Variants in PARD6B observed in about 807,000 individuals in gnomAD.
PARD6B encodes par-6 family cell polarity regulator beta.
In PARD6B, 4 loss-of-function variants were observed where a neutral mutation model predicts 10.5. The observed-to-expected ratio is 0.38, with a 90% CI of 0.19 to 0.87. The LOEUF (loss-of-function observed/expected upper bound fraction) is 0.87. PARD6B is among the 40% of genes least tolerant of loss of function. The probability of loss-of-function intolerance (pLI) is 0.41; values close to 1 mark genes in which losing one functional copy is unlikely to be tolerated. For missense variants in PARD6B, 396 were observed against 470.6 expected (o/e 0.84, Z 1.47); for synonymous variants, 169 against 170.4 (o/e 0.99, Z 0.07).
intron 2 of PARD6B, among the ~76,000 whole-genome samples, chr20:50,749,015 G>C (rs2087584383): frequency 6.6e-6 from 1 of 152,098 alleles, no homozygotes; most frequent in African/African-American, 2.4e-5. Context: ...TCAAAAAAAA[G>C]TAAAAATACA....
chr20:50,751,811 C>G lies in PARD6B; in HGVS notation c.*1323C>G. ...TCAGCTCCCGGGTTCAAGCAATTCT[C>G]CTGCCTCAGCCTTCTGAGTAGCTAA... On this transcript the variant is annotated 3_prime_UTR_variant, in exon 3 of 3. Transcript: ENST00000371610. 1.1e-6 allele frequency: 1 copy of G among 926,260 alleles called. No individual in the cohort carries two copies. Among genetic ancestry groups the G allele is most frequent in the Non-Finnish European group, 1.3e-6 (1 of 779,678 alleles). The allele number at this position is 926,260 out of a possible 1,614,324, so 57.4% of individuals were successfully genotyped here. A position where few individuals can be genotyped will look rare whatever the true frequency, so the allele number is the denominator to read the frequency against.
At chr20:50,738,429 G>T (rs1362879077) in intron 2 of PARD6B, among the ~76,000 whole-genome samples, 1 of 152,230 alleles carries the variant, frequency 6.6e-6, no homozygotes, top group Non-Finnish European at 1.5e-5. Flanking sequence ...TGTGAAAAGA[G>T]TGTGACTTTG....
chr20:50,731,876 G>C (rs1276700740), intron 1 of PARD6B, 24 bp downstream of exon 1: 12 of 1,416,614 alleles, frequency 8.5e-6, no homozygotes, highest in African/African-American at 1.5e-5. Flanking sequence ...GGGCTGGGCG[G>C]AGCGGCGGGC....
At chr20:50,735,098 C>T (rs570435108) in intron 1 of PARD6B, among the ~76,000 whole-genome samples, 2 of 151,924 alleles carry the variant, frequency 1.3e-5, no homozygotes, top group South Asian at 2.1e-4. Flanking sequence ...TGCAGTGAGC[C>T]GAGATTGCGC....
Position 50,750,635 on chromosome 20 carries a change from G to A in PARD6B, c.*147G>A. 1 of 1,412,566 alleles carries A rather than the reference G, an allele frequency of 7.1e-7. No individual in the cohort carries two copies. Among genetic ancestry groups the A allele is most frequent in the Non-Finnish European group, 9.2e-7 (1 of 1,087,464 alleles). 87.5% of individuals were successfully genotyped at this position (1,412,566 alleles called of 1,614,324 possible). A position where few individuals can be genotyped will look rare whatever the true frequency, so the allele number is the denominator to read the frequency against. On this transcript the variant is annotated 3_prime_UTR_variant, in exon 3 of 3. Transcript: ENST00000371610. Reference sequence around the variant, plus strand: ...AGCTTACAATATTATTAAAGTAGTAGTTTGATAATTGTTAATATAAACTTT... The same window carrying A: ...AGCTTACAATATTATTAAAGTAGTAATTTGATAATTGTTAATATAAACTTT...
rs1206857436 is a variant in PARD6B, at chr20:50,737,882, C to T, written c.92C>T (p.Ser31Leu). 3.2e-6 allele frequency: 5 copies of T among 1,580,306 alleles called. No individual in the cohort carries two copies. In the South Asian group the frequency reaches 3.5e-5, roughly 11 times the overall value. ...SKFGAEFRRF[S>L]LERSKPGKFE... is the part of the protein sequence containing the mutation. ...TTTGGAGCTGAATTTCGTCGGTTTT[C>T]GCTGGAAAGATCAAAACCTGGAAAA... Residue 31 changes from serine to leucine, a missense_variant, in exon 2 of 3, where the codon TCG (serine) becomes TTG (leucine). By Grantham distance (145) the Ser-to-Leu change is moderately radical. Transcript: ENST00000371610.
intron 2 of PARD6B, among the ~76,000 whole-genome samples, chr20:50,739,953 A>C (rs1253117342): frequency 2.0e-5 from 3 of 152,312 alleles, no homozygotes; most frequent in African/African-American, 7.2e-5. Flanking sequence ...GCTGCTTTGC[A>C]GTGAAGGAGA....
At chr20:50,747,346 G>T (rs953500297) in intron 2 of PARD6B, among the ~76,000 whole-genome samples, 1 of 152,106 alleles carries the variant, frequency 6.6e-6, no homozygotes, top group Non-Finnish European at 1.5e-5. Flanking sequence ...GAGTTGAAGC[G>T]CTATACAAAC....
At chr20:50,731,913 C>T in intron 1 of PARD6B, 61 bp downstream of exon 1, 1 of 1,310,724 alleles carries the variant, frequency 7.6e-7, no homozygotes, top group Non-Finnish European at 9.7e-7. Context: ...TGGGAGAGGC[C>T]GGGCCAGGCT....
Position 50,731,724 on chromosome 20 carries a change from G to C in PARD6B, c.-63G>C. The C allele has an allele frequency of 7.3e-7, 1 of 1,361,110 alleles. No individual in the cohort carries two copies. Among genetic ancestry groups the C allele is most frequent in the Non-Finnish European group, 9.5e-7 (1 of 1,053,514 alleles). 84.3% of individuals were successfully genotyped at this position (1,361,110 alleles called of 1,614,324 possible). On this transcript the variant is annotated 5_prime_UTR_variant, in exon 1 of 3. Transcript: ENST00000371610. ...TTCCGAGATCCCCAGTCGCGCACTC[G>C]CTCCCCGCGCTCCTGAGGGGCCGCC...
chr20:50,751,410 C>T lies in PARD6B; in HGVS notation c.*922C>T. On this transcript the variant is annotated 3_prime_UTR_variant, in exon 3 of 3. Transcript: ENST00000371610. ...TCGCTCTATCGCCCAGGCTGGAGTG[C>T]AGTGGCGCGATCTTGGCTCACTGCA... 1.2e-6 allele frequency: 1 copy of T among 803,098 alleles called. No homozygotes were observed. Among genetic ancestry groups the T allele is most frequent in the Non-Finnish European group, 1.5e-6 (1 of 688,012 alleles). 49.7% of individuals were successfully genotyped at this position (803,098 alleles called of 1,614,324 possible). A position where few individuals can be genotyped will look rare whatever the true frequency, so the allele number is the denominator to read the frequency against.
At position 50,750,744 on chromosome 20, in the gene PARD6B, A is replaced by G; in HGVS notation, c.*256A>G. The G allele has an allele frequency of 1.6e-6, 2 of 1,243,566 alleles. No homozygotes were observed. The highest frequency in any genetic ancestry group is 2.0e-6 in the Non-Finnish European group (2 of 988,918). 77.0% of individuals were successfully genotyped at this position (1,243,566 alleles called of 1,614,324 possible). A position where few individuals can be genotyped will look rare whatever the true frequency, so the allele number is the denominator to read the frequency against. ...TGCTTTTGCTGTTTTGTCTGTGGAG[A>G]ATCAGATGTTAAAGCACATTCTTGG... On this transcript the variant is annotated 3_prime_UTR_variant, in exon 3 of 3. Coordinates refer to ENST00000371610, the MANE Select transcript of PARD6B (RefSeq NM_032521.3).
intron 2 of PARD6B, among the ~76,000 whole-genome samples, chr20:50,744,082 A>G (rs2087547599): frequency 6.9e-6 from 1 of 144,142 alleles, no homozygotes; most frequent in South Asian, 2.2e-4. Context: ...GCCAGGTGCC[A>G]TCCAAATTTA....
In PARD6B at chr20:50,751,495, A is replaced by G. The variant is rs1412554191; in HGVS notation, c.*1007A>G. ...CTCAGCCTCCCAAGTAGCTGGGACTACAGGCGCCTGCCACCATGCCTGGCT... is the reference window on the plus strand; with the variant it reads ...CTCAGCCTCCCAAGTAGCTGGGACTGCAGGCGCCTGCCACCATGCCTGGCT... On this transcript the variant is annotated 3_prime_UTR_variant, in exon 3 of 3. Coordinates refer to ENST00000371610, the MANE Select transcript of PARD6B (RefSeq NM_032521.3). The G allele has an allele frequency of 6.9e-6, 5 of 729,488 alleles. No homozygotes were observed. The highest frequency in any genetic ancestry group is 8.4e-6 in the Non-Finnish European group (5 of 598,490). The allele number at this position is 729,488 out of a possible 1,614,324, so 45.2% of individuals were successfully genotyped here. A position where few individuals can be genotyped will look rare whatever the true frequency, so the allele number is the denominator to read the frequency against.
Position 50,751,322 on chromosome 20 carries a change from T to C in PARD6B, c.*834T>C, listed in dbSNP as rs150428245. On this transcript the variant is annotated 3_prime_UTR_variant, in exon 3 of 3. Coordinates refer to ENST00000371610, the MANE Select transcript of PARD6B (RefSeq NM_032521.3). ...AATTGTAACAAATGATGTTCTCAAGTACATTTCCAGTTTCTTTTCTTTTCT... is the reference window on the plus strand; with the variant it reads ...AATTGTAACAAATGATGTTCTCAAGCACATTTCCAGTTTCTTTTCTTTTCT... The C allele has an allele frequency of 1.1e-6, 1 of 933,918 alleles. No homozygotes were observed. The highest frequency in any genetic ancestry group is 1.3e-6 in the Non-Finnish European group (1 of 784,276). 57.9% of individuals were successfully genotyped at this position (933,918 alleles called of 1,614,324 possible). A position where few individuals can be genotyped will look rare whatever the true frequency, so the allele number is the denominator to read the frequency against.
At position 50,738,011 on chromosome 20, in the gene PARD6B, A is replaced by T; in HGVS notation, c.221A>T (p.Asn74Ile). The change falls in exon 2 of 3, where the codon AAT (asparagine) becomes ATT (isoleucine). Residue 74 changes from asparagine (N) to isoleucine (I), a missense_variant. Physicochemically the swap from Asn to Ile is moderately radical, Grantham distance 149. This residue lies in a region of PARD6B where 208 missense variants were observed against 300.9 expected (regional missense o/e 0.69). Transcript: ENST00000371610. ...CATGGAGACTTACTACCTATAAATA[A>T]TGATGATAATTATCACAAAGCTGTT... ...DIHGDLLPIN[N>I]DDNYHKAVST... is the part of the protein sequence containing the mutation. 6.2e-7 allele frequency: 1 copy of T among 1,613,162 alleles called. No individual in the cohort carries two copies. The highest frequency in any genetic ancestry group is 8.5e-7 in the Non-Finnish European group (1 of 1,179,736).
At chr20:50,740,809 C>T (rs2123702405) in intron 2 of PARD6B, among the ~76,000 whole-genome samples, 1 of 152,244 alleles carries the variant, frequency 6.6e-6, no homozygotes, top group African/African-American at 2.4e-5. Flanking sequence ...TTCATTCCTG[C>T]TTAAAACCCT....
At chr20:50,744,773 G>A (rs2123705306) in intron 2 of PARD6B, among the ~76,000 whole-genome samples, 1 of 152,160 alleles carries the variant, frequency 6.6e-6, no homozygotes, top group African/African-American at 2.4e-5. Context: ...TTAGCCCCTG[G>A]CTGGTTTTCC....
In PARD6B at chr20:50,753,566, TATAAC is replaced by T; in HGVS notation, c.*3081_*3085del. On this transcript the variant is annotated 3_prime_UTR_variant, in exon 3 of 3. Coordinates refer to ENST00000371610, the MANE Select transcript of PARD6B (RefSeq NM_032521.3). ...AATTTTCTAATTAAATTTTACATGCTATAACATGATTTTTACATGAATGATACTTT... is the reference window on the plus strand; with the variant it reads ...AATTTTCTAATTAAATTTTACATGCTATGATTTTTACATGAATGATACTTT... 1.2e-6 allele frequency: 1 copy of T among 865,256 alleles called. No homozygotes were observed. Among genetic ancestry groups the T allele is most frequent in the Non-Finnish European group, 1.4e-6 (1 of 720,224 alleles). The allele number at this position is 865,256 out of a possible 1,614,324, so 53.6% of individuals were successfully genotyped here. A position where few individuals can be genotyped will look rare whatever the true frequency, so the allele number is the denominator to read the frequency against.
Sources: allele counts gnomAD v4.1 joint callset (sites outside exome capture counted in the v4.1 genomes callset), GRCh38; gene constraint gnomAD v4.1.1; regional missense constraint gnomAD v4.1.1; transcripts MANE v1.5; gene names NCBI Gene and HGNC (gene_info 2026-07-23, HGNC 2026-07-21).